Variants in PRAM1 observed in about 807,000 individuals in gnomAD.
PRAM1 encodes PML-RARA regulated adaptor molecule 1, also known as PML-RARA-regulated adapter molecule 1.
Under a neutral mutation model 55.3 loss-of-function variants are expected in PRAM1, and 41 were observed. The ratio of observed to expected loss-of-function variants is 0.74; its 90% CI spans 0.58 to 0.96. The LOEUF (loss-of-function observed/expected upper bound fraction) is 0.96, where lower values mean the gene tolerates loss of function less well. Ranked by LOEUF, PRAM1 falls within the 40% of genes least tolerant of loss-of-function variation. The probability of loss-of-function intolerance (pLI) is 0.00; values close to 1 mark genes in which losing one functional copy is unlikely to be tolerated. For missense variants in PRAM1, 898 were observed against 892.7 expected, an observed-to-expected ratio of 1.01 and a Z score of -0.08; for synonymous variants, 401 against 387.1, an observed-to-expected ratio of 1.04 and a Z score of -0.42.
rs1480920122 is a variant in PRAM1 at position 8,490,965 on chromosome 19, C to T, written c.1665G>A (p.Leu555=). ...RKEKDPQPQQ[L]PPMDPKLLKQ... ...TCAGCAACTTTGGGTCCATGGGTGG[C>T]AACTGCTGTGGCTGGGGATCCTTCT... The change falls in exon 6 of 10, where the codon TTG becomes TTA. Residue 555 remains leucine (L), a synonymous_variant. Coordinates refer to ENST00000423345, the MANE Select transcript of PRAM1 (RefSeq NM_032152.5). This position sits in a 1 kb window ranked among gnomAD's most constrained non-coding sequence, Gnocchi z 7.3. The T allele has an allele frequency of 1.5e-5, 25 of 1,613,786 alleles. No homozygotes were observed. The highest frequency in any genetic ancestry group is 2.1e-5 in the Non-Finnish European group (25 of 1,179,902).
rs1379826184 is a variant in PRAM1 at position 8,490,391 on chromosome 19, G to C, written c.1941-19C>G. On this transcript the variant is annotated intron_variant, in intron 8 of 9. Transcript: ENST00000423345. The surrounding 1 kb of genome is among the most constrained non-coding windows in gnomAD (Gnocchi z 7.3). ...CGTCTCCCTGGCAGAGCACAGTTGG[G>C]TCAGCAAGGGGCACCGTGGCCCATT... The C allele has an allele frequency of 6.2e-7, 1 of 1,613,936 alleles. No homozygotes were observed. Among genetic ancestry groups the C allele is most frequent in the Admixed American group, 1.7e-5 (1 of 60,022 alleles).
rs2145794489 is a variant in PRAM1 at position 8,499,017 on chromosome 19, C to T, written c.791G>A (p.Arg264His). Residue 264 changes from arginine (R) to histidine (H), a missense_variant, in exon 2 of 10, where the codon CGC becomes CAC. Arg to His is a conservative substitution (Grantham distance 29). This residue lies in a region of PRAM1 where 787 missense variants were observed against 735.4 expected (regional missense o/e 1.07). Coordinates refer to ENST00000423345, the MANE Select transcript of PRAM1 (RefSeq NM_032152.5). Reference protein sequence around the residue: ...LWKPQSSEPKRDSSAFPKKAS... With the variant: ...LWKPQSSEPKHDSSAFPKKAS... ...CTTTTTGGGAAAGGCGCTGGAGTCG[C>T]GCTTCGGCTCGCTGGACTGAGGCTT... The T allele has an allele frequency of 6.2e-7, 1 of 1,613,432 alleles. No individual in the cohort carries two copies. The highest frequency in any genetic ancestry group is 1.1e-5 in the South Asian group (1 of 91,058).
rs778653079 is a variant in PRAM1, at chr19:8,498,880, G to A, written c.928C>T (p.Arg310Trp). The change falls in exon 2 of 10, where the codon CGG (arginine) becomes TGG (tryptophan). Residue 310 changes from arginine (R) to tryptophan (W), a missense_variant. Arg to Trp is a moderately radical substitution (Grantham distance 101). This residue lies in a region of PRAM1 where 787 missense variants were observed against 735.4 expected (regional missense o/e 1.07). Coordinates refer to ENST00000423345, the MANE Select transcript of PRAM1 (RefSeq NM_032152.5). ...PEVSVLPKRP[R>W]PAEFKALSKK... ...GAGAGCGCTTTGAATTCGGCCGGCC[G>A]CGGCCTCTTGGGAAGCACGCTGACT... is the stretch of plus-strand genomic sequence containing the variant. 2.5e-6 allele frequency: 4 copies of A among 1,612,754 alleles called. No homozygotes were observed. The highest frequency in any genetic ancestry group is 1.7e-4 in the Middle Eastern group (1 of 6,052).
At position 8,493,580 on chromosome 19, in the gene PRAM1, T is replaced by C. The variant is rs1971658462; in HGVS notation, c.1577-2423A>G. The stretch of plus-strand genomic sequence containing the variant: ...TCCCCGCATGGCCAGCTCAGATCCC[T>C]GGGAAAGGCTGGGCTCTCCCCACCT... On this transcript the variant is annotated intron_variant, in intron 4 of 9. Coordinates refer to ENST00000423345, the MANE Select transcript of PRAM1 (RefSeq NM_032152.5). This position sits in a 1 kb window ranked among gnomAD's most constrained non-coding sequence, Gnocchi z 4.1. Among the ~76,000 whole-genome samples, 1 of 150,910 alleles carries C rather than the reference T, an allele frequency of 6.6e-6. No individual in the cohort carries two copies. Among genetic ancestry groups the C allele is most frequent in the African/African-American group, 2.5e-5 (1 of 40,214 alleles).
chr19:8,491,646 G>T, intron 4 of PRAM1: 1 of 194,332 alleles, frequency 5.1e-6, no homozygotes, highest in South Asian at 8.7e-5. Flanking sequence ...GCCTTTCTCA[G>T]GGGTCATGGG....
At chr19:8,495,941 C>A in intron 4 of PRAM1, 2 of 396,332 alleles carry the variant, frequency 5.0e-6, no homozygotes, top group Non-Finnish European at 1.0e-5. Flanking sequence ...AAGGCATTAA[C>A]TGTGGAGCTG....
intron 1 of PRAM1, 114 bp from the exon 2 acceptor site, chr19:8,499,894 C>G (rs1201756179): frequency 3.4e-6 from 3 of 874,356 alleles, no homozygotes; most frequent in Non-Finnish European, 3.4e-6. Context: ...CGCCCAGGCC[C>G]GGTCAGCCCT....
intron 4 of PRAM1, among the ~76,000 whole-genome samples, chr19:8,492,175 T>TC (rs1971638893): frequency 6.6e-6 from 1 of 151,020 alleles, no homozygotes; most frequent in African/African-American, 2.4e-5. Flanking sequence ...CCTCAGGTGA[T>TC]CCACCCGCCT....
At position 8,490,643 on chromosome 19, in the gene PRAM1, G is replaced by C. The variant is rs1971606958; in HGVS notation, c.1857C>G (p.Ile619Met). Residue 619 changes from isoleucine (I) to methionine (M), a missense_variant, in exon 7 of 10, where the codon ATC becomes ATG. This residue lies in a region of PRAM1 where 787 missense variants were observed against 735.4 expected (regional missense o/e 1.07). Coordinates refer to ENST00000423345, the MANE Select transcript of PRAM1 (RefSeq NM_032152.5). This position sits in a 1 kb window ranked among gnomAD's most constrained non-coding sequence, Gnocchi z 7.3. ...GCATCTCCTCATTGCTGGTGAACTC[G>C]ATCACCTCCAGGATCTCCCCGCGCC... ...GIRRGEILEV[I>M]EFTSNEEMLC... 2.5e-6 allele frequency: 4 copies of C among 1,587,378 alleles called. No homozygotes were observed. Among genetic ancestry groups the C allele is most frequent in the Non-Finnish European group, 3.4e-6 (4 of 1,166,868 alleles).
intron 4 of PRAM1, among the ~76,000 whole-genome samples, chr19:8,494,636 CTTT>C (rs34294924): frequency 7.1e-6 from 1 of 141,804 alleles, no homozygotes; most frequent in Non-Finnish European, 1.5e-5. Context: ...ATTTTTTTTT[CTTT>C]TTTTTTTTTT....
chr19:8,498,764 C>T lies in PRAM1; in HGVS notation c.1044G>A (p.Pro348=), dbSNP rs1319303603. 2.5e-6 allele frequency: 4 copies of T among 1,572,686 alleles called. No individual in the cohort carries two copies. The highest frequency in any genetic ancestry group is 2.7e-5 in the African/African-American group (2 of 73,842). ...ACTTGCGGGGTGGCCCCCGGCGCTC[C>T]GGCTGCAGCAGCTTCCTGGGGAGTG... The part of the protein sequence containing the change: ...FNSLPRKLLQ[P]ERRGPPRKFS... Residue 348 remains proline (P), a synonymous_variant, in exon 2 of 10, where the codon CCG becomes CCA. Coordinates refer to ENST00000423345, the MANE Select transcript of PRAM1 (RefSeq NM_032152.5).
intron 4 of PRAM1, among the ~76,000 whole-genome samples, chr19:8,495,298 C>G (rs2096186512): frequency 6.6e-6 from 1 of 152,082 alleles, no homozygotes; most frequent in African/African-American, 2.4e-5. Flanking sequence ...TGGGGTTTCT[C>G]CATGTTGTTC....
intron 1 of PRAM1, 23 bp downstream of exon 1, chr19:8,502,542 C>T: frequency 6.7e-7 from 1 of 1,488,116 alleles, no homozygotes; most frequent in African/African-American, 1.5e-5. Flanking sequence ...GCCAGTGAGG[C>T]ACAGGCCTCT....
chr19:8,502,464 G>A (rs1025200033), intron 1 of PRAM1, 101 bp downstream of exon 1: 8 of 221,400 alleles, frequency 3.6e-5, no homozygotes, highest in Non-Finnish European at 4.9e-5. Context: ...GCCACCCCCC[G>A]CCCCCCCGCC....
Position 8,491,097 on chromosome 19 carries a change from C to T in PRAM1, c.1634+3G>A. 9.3e-6 allele frequency: 15 copies of T among 1,612,314 alleles called. No individual in the cohort carries two copies. The highest frequency in any genetic ancestry group is 1.2e-5 in the Non-Finnish European group (14 of 1,179,856). On this transcript the variant is annotated splice_donor_region_variant and intron_variant, in intron 5 of 9. Transcript: ENST00000423345. ...GTCTGCCCACCCCCTCTGCCCATGG[C>T]ACCTGAGCGCTGGGTCTTGTGGTGG...
Position 8,490,362 on chromosome 19 carries a change from C to T in PRAM1, c.1951G>A (p.Val651Met), listed in dbSNP as rs1441408390. 5 of 1,613,886 alleles carry T rather than the reference C, an allele frequency of 3.1e-6. No homozygotes were observed. The highest frequency in any genetic ancestry group is 4.2e-6 in the Non-Finnish European group (5 of 1,179,906). Residue 651 changes from valine to methionine, a missense_variant, in exon 9 of 10, where the codon GTG becomes ATG. Val to Met is a conservative substitution (Grantham distance 21, BLOSUM62 1). Coordinates refer to ENST00000423345, the MANE Select transcript of PRAM1 (RefSeq NM_032152.5). The surrounding 1 kb of genome is among the most constrained non-coding windows in gnomAD (Gnocchi z 7.3). ...RTALLPLETE[V>M]YDDVDFCDPL... ...CCGCAGAAGTCGACATCATCGTACA[C>T]CTCCGTCTCCCTGGCAGAGCACAGT...
Position 8,498,419 on chromosome 19 carries a change from G to A in PRAM1, c.1389C>T (p.Pro463=), listed in dbSNP as rs751814949. 3.8e-6 allele frequency: 6 copies of A among 1,576,700 alleles called. No individual in the cohort carries two copies. Among genetic ancestry groups the A allele is most frequent in the Non-Finnish European group, 4.3e-6 (5 of 1,159,850 alleles). The stretch of plus-strand genomic sequence containing the variant: ...GTCTCCGAAAGCTCTGCATATCCAC[G>A]GGCCCCGGGGGCAGCGGGGGCTTGG... ...PPAKPPLPPG[P]VDMQSFRRPS... is the part of the protein sequence containing the mutation. Residue 463 remains proline (P), a synonymous_variant, in exon 2 of 10, where the codon CCC becomes CCT. Transcript: ENST00000423345.
chr19:8,502,488 G>A lies in PRAM1; in HGVS notation c.27+77C>T. 3.2e-5 allele frequency: 11 copies of A among 341,648 alleles called. 1 individual carries two copies. The highest frequency in any genetic ancestry group is 2.3e-4 in the South Asian group (11 of 48,216). 21.2% of individuals were successfully genotyped at this position (341,648 alleles called of 1,614,324 possible). A position where few individuals can be genotyped will look rare whatever the true frequency, so the allele number is the denominator to read the frequency against. ...CGCCCCCCCGCCCGCCCCTCCACAG[G>A]TGGATCCTATCCTTCTGGGAACATC... On this transcript the variant is annotated intron_variant, in intron 1 of 9. Transcript: ENST00000423345.
At position 8,499,047 on chromosome 19, in the gene PRAM1, A is replaced by AG; in HGVS notation, c.760dup (p.Leu254ProfsTer27). On this transcript the variant is annotated frameshift_variant, in exon 2 of 10. Transcript: ENST00000423345. LOFTEE classifies it high-confidence loss of function. Reference sequence around the variant, plus strand: ...CGGCTCGCTGGACTGAGGCTTCCAGAGGGGAGTCTGAGCGGCCTCGCTGAA... The same window carrying AG: ...CGGCTCGCTGGACTGAGGCTTCCAGAGGGGGAGTCTGAGCGGCCTCGCTGAA... 2 of 1,612,744 alleles carry AG rather than the reference A, an allele frequency of 1.2e-6. No homozygotes were observed. Among genetic ancestry groups the AG allele is most frequent in the Non-Finnish European group, 1.7e-6 (2 of 1,179,620 alleles).
Sources: gnomAD v4.1 joint callset for allele counts (sites outside exome capture counted in the v4.1 genomes callset) on GRCh38, gnomAD v4.1.1 for gene constraint, gnomAD v4.1.1 regional missense constraint, Gnocchi (gnomAD v3.1) non-coding constraint, MANE v1.5 for transcripts, NCBI Gene and HGNC (gene_info 2026-07-23, HGNC 2026-07-21) for gene names.